The following IWS1 variants were observed in gnomAD, a reference collection of about 807,000 sequenced individuals.
The protein encoded by IWS1 is interacts with SUPT6H, CTD assembly factor 1, also known as protein IWS1 homolog.
IWS1 carries 27 observed loss-of-function variants against 86.7 expected under a neutral mutation model. The observed-to-expected ratio is 0.31, with a 90% CI of 0.23 to 0.43. IWS1 has a LOEUF of 0.43. Among genes scored for constraint, IWS1 ranks in the 20% least tolerant of loss-of-function variants. The probability of loss-of-function intolerance (pLI) is 1.00; values close to 1 mark genes in which losing one functional copy is unlikely to be tolerated. For synonymous variants in IWS1, 313 were observed against 335.1 expected, an observed-to-expected ratio of 0.93 and a Z score of 0.72; for missense variants, 827 against 1,000.8, an observed-to-expected ratio of 0.83 and a Z score of 2.34.
upstream of IWS1, chr2:127,526,747 C>A: frequency 8.4e-7 from 1 of 1,187,816 alleles, no homozygotes; most frequent in Non-Finnish European, 1.1e-6. Context: ...TTGAGATACT[C>A]TTCCGAAAAA....
chr2:127,510,598 T>G (rs1178457488), intron 2 of IWS1, among the ~76,000 whole-genome samples: 4 of 152,082 alleles, frequency 2.6e-5, no homozygotes, highest in East Asian at 3.9e-4. Flanking sequence ...GCCCAAGAGA[T>G]CATCCTGCCT....
In IWS1 at chr2:127,505,392, C is replaced by A; in HGVS notation, c.511G>T (p.Asp171Tyr). 1 of 1,614,114 alleles carries A rather than the reference C, an allele frequency of 6.2e-7. No individual in the cohort carries two copies. Among genetic ancestry groups the A allele is most frequent in the Non-Finnish European group, 8.5e-7 (1 of 1,180,004 alleles). Residue 171 changes from aspartate to tyrosine, a missense_variant, in exon 3 of 14, where the codon GAC (aspartate) becomes TAC (tyrosine). Coordinates refer to ENST00000295321, the MANE Select transcript of IWS1 (RefSeq NM_017969.3). The surrounding 1 kb of genome is among the most constrained non-coding windows in gnomAD (Gnocchi z 5.0). ...TTTAGAGCATCTTCTGTTTCAGAGT[C>A]ACTAGCAGGACTCTTCTGGAGCTCC... The part of the protein sequence containing the change: ...IEELQKSPAS[D>Y]SETEDALKPQ...
chr2:127,483,464 A>AT (rs1558736503), intron 13 of IWS1, among the ~76,000 whole-genome samples: 1 of 115,250 alleles, frequency 8.7e-6, no homozygotes, highest in Non-Finnish European at 1.7e-5. Flanking sequence ...AATACATAAT[A>AT]AAAAAAAAAG....
chr2:127,524,643 A>T lies in IWS1; in HGVS notation c.35-852T>A, dbSNP rs188701478. Among the ~76,000 whole-genome samples, 961 of 151,380 alleles carry T rather than the reference A, an allele frequency of 6.3e-3. 11 individuals carry two copies. The highest frequency in any genetic ancestry group is 0.022 in the African/African-American group (887 of 41,252). On this transcript the variant is annotated intron_variant, in intron 1 of 13. Transcript: ENST00000295321. ...AACCTCCACCCCCCCGGGTTCAACA[A>T]GTGATTCTCCTGCCTCAGCCTCCTG...
chr2:127,491,114 T>A (rs966503051), intron 10 of IWS1, among the ~76,000 whole-genome samples: 1 of 152,220 alleles, frequency 6.6e-6, no homozygotes, highest in African/African-American at 2.4e-5. Flanking sequence ...TTCTCTGGAT[T>A]TCTCTGGCAT....
In IWS1 at chr2:127,501,497, G is replaced by C. The variant is rs186493514; in HGVS notation, c.1467+1318C>G. Among the ~76,000 whole-genome samples, 519 of 152,100 alleles carry C rather than the reference G, an allele frequency of 3.4e-3. 1 individual carries two copies. Among genetic ancestry groups the C allele is most frequent in the African/African-American group, 0.012 (497 of 41,474 alleles). ...AGGTATCATTTCCTTTTAAAATACT[G>C]CTTCTGCTATACATGTAACTTTCCC... is the stretch of plus-strand genomic sequence containing the variant. On this transcript the variant is annotated intron_variant, in intron 5 of 13. Transcript: ENST00000295321.
chr2:127,516,053 G>A (rs924544633), intron 2 of IWS1, among the ~76,000 whole-genome samples: 30 of 152,230 alleles, frequency 2.0e-4, no homozygotes, highest in African/African-American at 7.0e-4. Context: ...CCCTTGGGCC[G>A]GCTTGTGAGA....
At chr2:127,519,371 A>G (rs1262887610) in intron 2 of IWS1, among the ~76,000 whole-genome samples, 1 of 151,260 alleles carries the variant, frequency 6.6e-6, no homozygotes, top group Non-Finnish European at 1.5e-5. Flanking sequence ...TTTTTTTTTA[A>G]TAACTAAAGG....
intron 13 of IWS1, among the ~76,000 whole-genome samples, chr2:127,483,782 ACCATGC>A: frequency 6.6e-6 from 1 of 152,076 alleles, no homozygotes; most frequent in South Asian, 2.1e-4. Flanking sequence ...GATGTATGCC[ACCATGC>A]CCGGCTAATT....
Position 127,489,233 on chromosome 2 carries a change from G to A in IWS1, c.2162C>T (p.Thr721Ile). Residue 721 changes from threonine (T) to isoleucine (I), a missense_variant and splice_region_variant, in exon 12 of 14, where the codon ACT becomes ATT. Physicochemically the swap from Thr to Ile is moderately conservative, Grantham distance 89. Coordinates refer to ENST00000295321, the MANE Select transcript of IWS1 (RefSeq NM_017969.3). This position sits in a 1 kb window ranked among gnomAD's most constrained non-coding sequence, Gnocchi z 4.8. ...QMPQRRRMNSTGGQTPRRDLE... is the reference protein window; with the variant it reads ...QMPQRRRMNSIGGQTPRRDLE... The stretch of plus-strand genomic sequence containing the variant: ...GTCTCTTCTGGGTGTCTGACCACCA[G>A]TGCTGAAAAAAAAGTAAACAAGGAG... The A allele has an allele frequency of 6.2e-7, 1 of 1,610,204 alleles. No homozygotes were observed. The highest frequency in any genetic ancestry group is 8.5e-7 in the Non-Finnish European group (1 of 1,177,816).
intron 2 of IWS1, among the ~76,000 whole-genome samples, chr2:127,523,104 G>C (rs1368339476): frequency 1.3e-5 from 2 of 152,166 alleles, no homozygotes; most frequent in Non-Finnish European, 1.5e-5. Flanking sequence ...AGCTACTCGG[G>C]AGGCTATGAG....
At chr2:127,498,263 C>T in intron 5 of IWS1, 26 bp from the exon 6 acceptor site, 1 of 1,597,854 alleles carries the variant, frequency 6.3e-7, no homozygotes, top group Non-Finnish European at 8.5e-7. Context: ...TCACAACCTC[C>T]TTACAGATTT....
At chr2:127,501,795 C>T (rs1549767) in intron 5 of IWS1, 100,553 of 150,972 alleles carry the variant, frequency 0.67, 35,584 homozygotes, top group Non-Finnish European at 0.77. Flanking sequence ...CTCCAGCTAC[C>T]CCCAAGCCTC....
intron 10 of IWS1, chr2:127,490,762 G>A (rs974218962): frequency 5.9e-5 from 9 of 152,208 alleles, no homozygotes; most frequent in African/African-American, 2.2e-4. Flanking sequence ...AAAAAATAAA[G>A]TTGCAAACTA....
At chr2:127,517,698 T>C (rs1308615806) in intron 2 of IWS1, among the ~76,000 whole-genome samples, 1 of 152,196 alleles carries the variant, frequency 6.6e-6, no homozygotes, top group East Asian at 1.9e-4. Context: ...AATTACGTTA[T>C]GAGCCAGCAA....
Position 127,489,532 on chromosome 2 carries a change from G to C in IWS1, c.2160-297C>G, listed in dbSNP as rs75168443. ...AAAACTATAACATTTTTTCTTCTAG[G>C]AACTCGGAAACGGGACCCAGAAAGT... On this transcript the variant is annotated intron_variant, in intron 11 of 13. Transcript: ENST00000295321. The surrounding 1 kb of genome is among the most constrained non-coding windows in gnomAD (Gnocchi z 4.8). The C allele has an allele frequency of 2.6e-3, 1,308 of 498,614 alleles. 21 individuals are homozygous for C. Among genetic ancestry groups the C allele is most frequent in the African/African-American group, 0.023 (1,183 of 51,048 alleles). The allele number at this position is 498,614 out of a possible 1,614,324, so 30.9% of individuals were successfully genotyped here.
intron 2 of IWS1, among the ~76,000 whole-genome samples, chr2:127,508,555 T>C (rs1434234911): frequency 1.3e-5 from 2 of 152,218 alleles, no homozygotes; most frequent in East Asian, 1.9e-4. Context: ...TGTGACTTGA[T>C]TTATTTTAGT....
chr2:127,491,274 A>C (rs577208243), intron 10 of IWS1, among the ~76,000 whole-genome samples: 1 of 152,250 alleles, frequency 6.6e-6, no homozygotes, highest in Non-Finnish European at 1.5e-5. Flanking sequence ...AAGAAAACAC[A>C]TAATTATCTC....
intron 13 of IWS1, among the ~76,000 whole-genome samples, chr2:127,483,571 C>CGGGGGGGGGGGGG (rs1419283644): frequency 3.5e-4 from 7 of 20,174 alleles, no homozygotes; most frequent in South Asian, 1.7e-3. Flanking sequence ...ATAATTTGGT[C>CGGGGGGGGGGGGG]GGGGCGGGGG....
Sources: gnomAD v4.1 joint callset for allele counts (sites outside exome capture counted in the v4.1 genomes callset) on GRCh38, gnomAD v4.1.1 for gene constraint, Gnocchi (gnomAD v3.1) non-coding constraint, MANE v1.5 for transcripts, NCBI Gene and HGNC (gene_info 2026-07-23, HGNC 2026-07-21) for gene names.